The following TRIM54 variants were observed in gnomAD, a reference collection of about 807,000 sequenced individuals.
The protein encoded by TRIM54 is tripartite motif-containing protein 54.
In TRIM54, 40 loss-of-function variants were observed where a neutral mutation model predicts 42.0. The ratio of observed to expected loss-of-function variants is 0.95; its 90% confidence interval spans 0.74 to 1.24. TRIM54 has a LOEUF of 1.24. Among genes scored for constraint, TRIM54 ranks in the 50% most tolerant of loss-of-function variants. TRIM54 has a pLI of 0.00. For missense variants in TRIM54, 485 were observed against 480.3 expected, an observed-to-expected ratio of 1.01 and a Z score of -0.09; for synonymous variants, 199 against 194.9, an observed-to-expected ratio of 1.02 and a Z score of -0.17.
At chr2:27,305,930 G>A (rs1679189528) in intron 5 of TRIM54, 113 bp downstream of exon 5, 3 of 1,370,748 alleles carry the variant, frequency 2.2e-6, no homozygotes, top group Non-Finnish European at 3.0e-6. Context: ...CTACGACCTT[G>A]GGCAAGTCAC....
At chr2:27,291,494 A>C (rs1678719166) in intron 1 of TRIM54, among the ~76,000 whole-genome samples, 1 of 152,230 alleles carries the variant, frequency 6.6e-6, no homozygotes, top group Admixed American at 6.5e-5. Context: ...GAATTAACAC[A>C]TAAAAAATCT....
intron 3 of TRIM54, 78 bp downstream of exon 3, chr2:27,299,494 C>T (rs1460472784): frequency 3.2e-6 from 5 of 1,558,718 alleles, no homozygotes; most frequent in African/African-American, 1.4e-5. Context: ...TCTTACTCCA[C>T]TTATCTTTTG....
In TRIM54 at chr2:27,299,226, C is replaced by G. The variant is rs766234767; in HGVS notation, c.342-19C>G. ...CCTTCATGCTTAAGGTCCACCTCCC[C>G]CTGCCCACTCCTCTCTAGGCCGCTG... On this transcript the variant is annotated intron_variant, in intron 2 of 8. Coordinates refer to ENST00000380075, the MANE Select transcript of TRIM54 (RefSeq NM_187841.3). 40 of 1,612,790 alleles carry G rather than the reference C, an allele frequency of 2.5e-5. 1 individual carries two copies. In the South Asian group the frequency reaches 4.1e-4, roughly 16 times the overall value.
chr2:27,295,453 G>C (rs116764908), intron 1 of TRIM54, among the ~76,000 whole-genome samples: 2,005 of 152,140 alleles, frequency 0.013, 20 homozygotes, highest in Middle Eastern at 0.031. Flanking sequence ...GATAACAGGC[G>C]CCTGCCACCG....
chr2:27,300,505 C>T (rs534040054), intron 3 of TRIM54, among the ~76,000 whole-genome samples: 1 of 148,956 alleles, frequency 6.7e-6, no homozygotes, highest in East Asian at 1.9e-4. Context: ...GACAGGGTCT[C>T]AGGCAGGGCA....
chr2:27,296,151 A>G (rs1322673829), intron 1 of TRIM54, among the ~76,000 whole-genome samples: 1 of 152,210 alleles, frequency 6.6e-6, no homozygotes, highest in Non-Finnish European at 1.5e-5. Flanking sequence ...CCTTGCCTAC[A>G]GCCCTTGCTA....
chr2:27,304,712 G>T (rs1679138462), intron 3 of TRIM54: 8 of 431,968 alleles, frequency 1.9e-5, no homozygotes, highest in Non-Finnish European at 3.3e-5. Context: ...TCTGGTATCT[G>T]GTGGATGTTT....
intron 1 of TRIM54, among the ~76,000 whole-genome samples, chr2:27,285,396 C>T (rs1678528884): frequency 6.6e-6 from 1 of 152,104 alleles, no homozygotes; most frequent in Admixed American, 6.6e-5. Flanking sequence ...AGGAAGAATA[C>T]CCTTAGAGCA....
intron 1 of TRIM54, among the ~76,000 whole-genome samples, chr2:27,284,414 A>G (rs987941081): frequency 6.6e-6 from 1 of 152,066 alleles, no homozygotes; most frequent in Non-Finnish European, 1.5e-5. Context: ...TGCCACCTTC[A>G]CTGAAGACCA....
At chr2:27,284,009 T>C (rs1025752760) in intron 1 of TRIM54, among the ~76,000 whole-genome samples, 6 of 152,120 alleles carry the variant, frequency 3.9e-5, no homozygotes, top group African/African-American at 1.4e-4. Context: ...TGCAGGCGCC[T>C]GTAGTCCCAG....
intron 3 of TRIM54, among the ~76,000 whole-genome samples, chr2:27,303,364 A>G (rs1035982329): frequency 6.6e-6 from 1 of 152,082 alleles, no homozygotes; most frequent in African/African-American, 2.4e-5. Flanking sequence ...GACCTGGCCA[A>G]CATGGTGAAA....
chr2:27,305,549 C>T (rs754999900), intron 4 of TRIM54, 35 bp from the exon 5 acceptor site: 1 of 1,577,430 alleles, frequency 6.3e-7, no homozygotes, highest in Non-Finnish European at 8.7e-7. Context: ...GGGTCTCAGC[C>T]ACGCCTTCCC....
intron 4 of TRIM54, 116 bp downstream of exon 4, chr2:27,305,170 G>A: frequency 2.2e-6 from 2 of 908,150 alleles, no homozygotes; most frequent in Non-Finnish European, 3.4e-6. Flanking sequence ...AGTTTCTGGG[G>A]TCCTGGGAGT....
In TRIM54 at chr2:27,298,622, G is replaced by T. The variant is rs185065520; in HGVS notation, c.224G>T (p.Arg75Leu). ...RGSTTVSSGG[R>L]FRCPSCRHEV... ...TCCACCACTGTGTCTTCAGGAGGCC[G>T]TTTCCGCTGCCCATCGTGCAGGCAT... is the stretch of plus-strand genomic sequence containing the variant. Residue 75 changes from arginine (R) to leucine (L), a missense_variant, in exon 2 of 9, where the codon CGT becomes CTT. Physicochemically the swap from Arg to Leu is moderately radical, Grantham distance 102. Coordinates refer to ENST00000380075, the MANE Select transcript of TRIM54 (RefSeq NM_187841.3). 14 of 1,614,044 alleles carry T rather than the reference G, an allele frequency of 8.7e-6. No homozygotes were observed. The African/African-American group carries it at 1.3e-4, about 15-fold the overall frequency.
rs1166089923 is a variant in TRIM54 at position 27,283,776 on chromosome 2, ACACGCG to A, written c.168+879_168+884del. ...GTGAGGGGCAAAGGCACACACACAC[ACACGCG>A]CGCACACACACACACACACACACAC... is the stretch of plus-strand genomic sequence containing the variant. On this transcript the variant is annotated intron_variant, in intron 1 of 8. Transcript: ENST00000380075. Among the ~76,000 whole-genome samples, 667 of 105,446 alleles carry A rather than the reference ACACGCG, an allele frequency of 6.3e-3. 5 individuals carry two copies. The highest frequency in any genetic ancestry group is 0.026 in the African/African-American group (634 of 24,326). The allele number at this position is 105,446 out of a possible 152,430, so 69.2% of individuals were successfully genotyped here. A position where few individuals can be genotyped will look rare whatever the true frequency, so the allele number is the denominator to read the frequency against.
chr2:27,306,874 T>G lies in TRIM54; in HGVS notation c.*2-13T>G. 9.6e-6 allele frequency: 4 copies of G among 416,966 alleles called. No homozygotes were observed. The highest frequency in any genetic ancestry group is 9.3e-5 in the East Asian group (2 of 21,562). The allele number at this position is 416,966 out of a possible 1,614,324, so 25.8% of individuals were successfully genotyped here. A position where few individuals can be genotyped will look rare whatever the true frequency, so the allele number is the denominator to read the frequency against. ...GCAGCACCCGCCCACCGAGCCTTCT[T>G]TCCCGGGCACAGGCCTGCGCCGACC... On this transcript the variant is annotated splice_polypyrimidine_tract_variant and intron_variant, in intron 8 of 8. Transcript: ENST00000380075. This position sits in a 1 kb window ranked among gnomAD's most constrained non-coding sequence, Gnocchi z 6.1.
rs200868576 is a variant in TRIM54, at chr2:27,305,725, C to T, written c.751C>T (p.Arg251Cys). 8 of 1,611,180 alleles carry T rather than the reference C, an allele frequency of 5.0e-6. No homozygotes were observed. Among genetic ancestry groups the T allele is most frequent in the East Asian group, 2.2e-5 (1 of 44,720 alleles). Reference protein sequence around the residue: ...EKLQRVRGLIRQYGDHLEASS... With the variant: ...EKLQRVRGLICQYGDHLEASS... ...GCTGCAGCGCGTCCGCGGCCTCATC[C>T]GTCAGTATGGCGACCACCTGGAGGC... is the stretch of plus-strand genomic sequence containing the variant. Residue 251 changes from arginine (R) to cysteine (C), a missense_variant, in exon 5 of 9, where the codon CGT (arginine) becomes TGT (cysteine). By Grantham distance (180) the Arg-to-Cys change is radical. Coordinates refer to ENST00000380075, the MANE Select transcript of TRIM54 (RefSeq NM_187841.3).
At position 27,298,548 on chromosome 2, in the gene TRIM54, A is replaced by G. The variant is rs1678933237; in HGVS notation, c.169-19A>G. The G allele has an allele frequency of 3.1e-6, 5 of 1,602,980 alleles. No individual in the cohort carries two copies. Among genetic ancestry groups the G allele is most frequent in the Non-Finnish European group, 4.3e-6 (5 of 1,171,842 alleles). On this transcript the variant is annotated intron_variant, in intron 1 of 8. Coordinates refer to ENST00000380075, the MANE Select transcript of TRIM54 (RefSeq NM_187841.3). Reference sequence around the variant, plus strand: ...CATGCCTCCCCGTGCCTGTTCTCTCAAGCCATCTGTCCCTGCAGGCCTCGA... The same window carrying G: ...CATGCCTCCCCGTGCCTGTTCTCTCGAGCCATCTGTCCCTGCAGGCCTCGA...
At chr2:27,299,700 C>CTATCTATA in intron 3 of TRIM54, 1 of 615,536 alleles carries the variant, frequency 1.6e-6, no homozygotes, top group Non-Finnish European at 2.9e-6. Context: ...ATCTATCTAT[C>CTATCTATA]TATCTATCTA....
Sources: gnomAD v4.1 joint callset for allele counts (sites outside exome capture counted in the v4.1 genomes callset) on GRCh38, gnomAD v4.1.1 for gene constraint, Gnocchi (gnomAD v3.1) non-coding constraint, MANE v1.5 for transcripts, NCBI Gene and HGNC (gene_info 2026-07-23, HGNC 2026-07-21) for gene names.